The following GALNTL6 variants were observed in gnomAD, a reference collection of about 807,000 sequenced individuals.
GALNTL6 encodes the protein polypeptide N-acetylgalactosaminyltransferase like 6, also known as polypeptide N-acetylgalactosaminyltransferase-like 6.
Under a neutral mutation model 73.7 loss-of-function variants are expected in GALNTL6, and 46 were observed. The ratio of observed to expected loss-of-function variants is 0.62; its 90% CI spans 0.49 to 0.80. GALNTL6 has a LOEUF of 0.80. Among genes scored for constraint, GALNTL6 ranks in the 30% least tolerant of loss-of-function variants. The pLI, the probability that GALNTL6 is intolerant of heterozygous loss-of-function variation, is 0.00. For missense variants in GALNTL6, 604 were observed against 755.0 expected (o/e 0.80, Z 2.34); for synonymous variants, 259 against 263.7 (o/e 0.98, Z 0.17).
rs1445482161 is a variant in GALNTL6, at chr4:172,300,236, C to A, written c.248-11378C>A. On this transcript the variant is annotated intron_variant, in intron 3 of 12. Coordinates refer to ENST00000506823, the MANE Select transcript of GALNTL6 (RefSeq NM_001034845.3). The stretch of plus-strand genomic sequence containing the variant: ...TCCATTTGCTTGGTAGATCTTCCTT[C>A]ATCCCTTTATTTTGAGCCCATGTGT... 2.0e-5 allele frequency among the ~76,000 whole-genome samples: 3 copies of A among 152,230 alleles called. No homozygotes were observed. The East Asian group carries it at 5.8e-4, about 29-fold the overall frequency.
intron 2 of GALNTL6, among the ~76,000 whole-genome samples, chr4:172,157,895 G>T (rs140862936): frequency 1.3e-5 from 2 of 152,198 alleles, no homozygotes; most frequent in East Asian, 3.9e-4. Context: ...TTCTCCTCAG[G>T]TACATTAAAT....
chr4:172,617,594 A>C (rs1738789363), intron 5 of GALNTL6, among the ~76,000 whole-genome samples: 1 of 151,830 alleles, frequency 6.6e-6, no homozygotes, highest in Non-Finnish European at 1.5e-5. Flanking sequence ...CTCCTGCCTC[A>C]GCCTCCCGAG....
intron 5 of GALNTL6, among the ~76,000 whole-genome samples, chr4:172,765,934 GC>G (rs1738380445): frequency 6.6e-6 from 1 of 151,820 alleles, no homozygotes; most frequent in Non-Finnish European, 1.5e-5. Context: ...ATATTTCAAG[GC>G]CATATTTCAG....
intron 2 of GALNTL6, among the ~76,000 whole-genome samples, chr4:171,907,101 C>T (rs1737308543): frequency 1.3e-5 from 2 of 152,196 alleles, no homozygotes; most frequent in East Asian, 1.9e-4. Context: ...GGGATGCCCT[C>T]TCTCACCACT....
At chr4:172,489,460 T>C (rs1311498998) in intron 5 of GALNTL6, among the ~76,000 whole-genome samples, 1 of 152,262 alleles carries the variant, frequency 6.6e-6, no homozygotes, top group Non-Finnish European at 1.5e-5. Context: ...CTACATATAA[T>C]AAACACATAG....
intron 2 of GALNTL6, among the ~76,000 whole-genome samples, chr4:172,140,576 A>C (rs1372412496): frequency 1.3e-5 from 2 of 152,178 alleles, no homozygotes; most frequent in Admixed American, 6.5e-5. Context: ...GAAGAGATGA[A>C]ATTTTCTCAA....
intron 3 of GALNTL6, among the ~76,000 whole-genome samples, chr4:172,296,812 G>A (rs1161742253): frequency 5.3e-5 from 8 of 152,208 alleles, no homozygotes; most frequent in South Asian, 2.1e-4. Flanking sequence ...GAATAGTGCC[G>A]CAATAAACAA....
intron 10 of GALNTL6, among the ~76,000 whole-genome samples, chr4:172,966,049 G>T (rs528530881): frequency 5.9e-5 from 9 of 152,262 alleles, no homozygotes; most frequent in African/African-American, 2.2e-4. Context: ...TAAATCAGTT[G>T]GGAGAATGTT....
At chr4:171,823,894 G>A (rs534775430) in intron 2 of GALNTL6, among the ~76,000 whole-genome samples, 1 of 150,456 alleles carries the variant, frequency 6.6e-6, no homozygotes, top group Admixed American at 6.6e-5. Flanking sequence ...CTAATATCCA[G>A]TTGCCAAAAA....
chr4:172,721,871 T>A (rs904955558), intron 5 of GALNTL6, among the ~76,000 whole-genome samples: 2 of 152,178 alleles, frequency 1.3e-5, no homozygotes, highest in African/African-American at 4.8e-5. Context: ...GTAGGGATAA[T>A]GAACTTGTGT....
intron 3 of GALNTL6, among the ~76,000 whole-genome samples, chr4:172,246,355 T>G (rs1238452952): frequency 6.6e-6 from 1 of 152,166 alleles, no homozygotes; most frequent in Non-Finnish European, 1.5e-5. Context: ...GATACCAATA[T>G]TATGAGTAGG....
At chr4:172,228,830 A>G (rs1308177588) in intron 2 of GALNTL6, among the ~76,000 whole-genome samples, 1 of 152,236 alleles carries the variant, frequency 6.6e-6, no homozygotes, top group Admixed American at 6.5e-5. Flanking sequence ...CATCATAAAA[A>G]AGAAGTAGCT....
chr4:171,941,278 AT>A (rs1346473080), intron 2 of GALNTL6, among the ~76,000 whole-genome samples: 1 of 152,144 alleles, frequency 6.6e-6, no homozygotes, highest in Non-Finnish European at 1.5e-5. Context: ...GTCGCATGCT[AT>A]TTCTTCACAA....
chr4:172,156,477 C>T (rs942573113), intron 2 of GALNTL6, among the ~76,000 whole-genome samples: 3 of 146,020 alleles, frequency 2.1e-5, no homozygotes, highest in Non-Finnish European at 4.5e-5. Flanking sequence ...AACTGTAGAG[C>T]GTTTAGATCA....
At chr4:171,909,133 T>C in intron 2 of GALNTL6, among the ~76,000 whole-genome samples, 1 of 130,322 alleles carries the variant, frequency 7.7e-6, no homozygotes, top group African/African-American at 3.1e-5. Flanking sequence ...ACCCTAAAAC[T>C]TAAAGTATAA....
chr4:172,769,099 T>G (rs3931850), intron 5 of GALNTL6, among the ~76,000 whole-genome samples: 72,334 of 151,302 alleles, frequency 0.48, 18,047 homozygotes, highest in African/African-American at 0.63. Flanking sequence ...CTATAAGTAT[T>G]TTCATGCAAA....
At chr4:172,054,645 C>A (rs1730970486) in intron 2 of GALNTL6, among the ~76,000 whole-genome samples, 1 of 152,150 alleles carries the variant, frequency 6.6e-6, no homozygotes, top group Non-Finnish European at 1.5e-5. Context: ...CAAACCACTT[C>A]TCAAAATCTT....
At chr4:172,581,902 C>A (rs557346422) in intron 5 of GALNTL6, among the ~76,000 whole-genome samples, 1 of 152,330 alleles carries the variant, frequency 6.6e-6, no homozygotes, top group East Asian at 1.9e-4. Context: ...CAGGATAGAT[C>A]TGGAACTGGG....
intron 3 of GALNTL6, among the ~76,000 whole-genome samples, chr4:172,295,066 G>A (rs920045308): frequency 6.6e-6 from 1 of 151,986 alleles, no homozygotes; most frequent in Non-Finnish European, 1.5e-5. Flanking sequence ...ATTACATAGT[G>A]CTTTCGTTTA....
Sources: allele counts gnomAD v4.1 joint callset (sites outside exome capture counted in the v4.1 genomes callset), GRCh38; gene constraint gnomAD v4.1.1; transcripts MANE v1.5; gene names NCBI Gene and HGNC (gene_info 2026-07-23, HGNC 2026-07-21).